FGF13: variants seen among roughly 807,000 people sequenced by gnomAD.
The protein encoded by FGF13 is fibroblast growth factor homologous factor 2.
Under a neutral mutation model 19.5 loss-of-function variants are expected in FGF13, and 2 were observed. The ratio of observed to expected loss-of-function variants is 0.10; its 90% confidence interval spans 0.04 to 0.32. The LOEUF is 0.32. Among genes scored for constraint, FGF13 ranks in the 10% least tolerant of loss-of-function variants. The pLI is 1.00. For synonymous variants in FGF13, 72 were observed against 76.9 expected (o/e 0.94, Z 0.33); for missense variants, 113 against 192.7 (o/e 0.59, Z 2.45).
In FGF13 at chrX:138,773,453, C is replaced by T. The variant is rs1402470471; in HGVS notation, c.218-64525G>A. On this transcript the variant is annotated intron_variant, in intron 3 of 6. Transcript: ENST00000436198. ...AAACATGTCATTATTCCCACTTGGA[C>T]GTTTTTACAACATAGTAAACACTCA... Among the ~76,000 whole-genome samples the T allele has an allele frequency of 2.7e-5, 3 of 112,143 alleles. No homozygotes were observed. The Admixed American group carries it at 2.8e-4, about 11-fold the overall frequency.
intron 1 of FGF13, among the ~76,000 whole-genome samples, chrX:139,158,032 G>T (rs1296886465): frequency 8.9e-6 from 1 of 111,767 alleles, no homozygotes; most frequent in Admixed American, 9.4e-5. Context: ...CTAGCCAATG[G>T]AAGCCCTGAA....
chrX:138,947,782 G>A (rs1396403254), intron 1 of FGF13, among the ~76,000 whole-genome samples: 1 of 111,975 alleles, frequency 8.9e-6, no homozygotes, highest in Non-Finnish European at 1.9e-5. Context: ...CTAAACCCCA[G>A]TACCTCGGAG....
intron 1 of FGF13, among the ~76,000 whole-genome samples, chrX:139,000,707 A>T (rs1205077085): frequency 1.8e-5 from 2 of 112,192 alleles, no homozygotes; most frequent in Non-Finnish European, 3.8e-5. Context: ...ATGGAACAAC[A>T]TTCCATGCTC....
At chrX:138,682,735 AC>A (rs1001905905) in intron 3 of FGF13, among the ~76,000 whole-genome samples, 77 of 110,756 alleles carry the variant, frequency 7.0e-4, no homozygotes, top group African/African-American at 2.2e-3. Context: ...AAATAATTTT[AC>A]CCCCCCGAAA....
intron 3 of FGF13, among the ~76,000 whole-genome samples, chrX:138,758,971 G>A (rs1011159425): frequency 3.6e-5 from 4 of 112,026 alleles, no homozygotes; most frequent in Non-Finnish European, 7.5e-5. Context: ...CAGGTTTGCC[G>A]GAACAGCAGG....
intron 3 of FGF13, among the ~76,000 whole-genome samples, chrX:138,819,639 G>A (rs921343178): frequency 2.7e-5 from 3 of 111,415 alleles, no homozygotes; most frequent in African/African-American, 6.5e-5. Context: ...TGGCCAAATG[G>A]TCTTTTGGTG....
intron 1 of FGF13, among the ~76,000 whole-genome samples, chrX:139,192,759 T>C (rs1396532108): frequency 9.0e-6 from 1 of 111,644 alleles, no homozygotes; most frequent in Non-Finnish European, 1.9e-5. Context: ...AAGCAACCCA[T>C]GTATGACTCC....
chrX:138,993,096 A>C (rs1239261873), intron 1 of FGF13, among the ~76,000 whole-genome samples: 1 of 111,860 alleles, frequency 8.9e-6, no homozygotes, highest in Non-Finnish European at 1.9e-5. Context: ...ACTGAAAAAT[A>C]TCTTACCAGT....
chrX:139,033,593 C>T (rs2092239093), intron 1 of FGF13, among the ~76,000 whole-genome samples: 1 of 111,922 alleles, frequency 8.9e-6, no homozygotes, highest in Non-Finnish European at 1.9e-5. Flanking sequence ...CAATATACTA[C>T]AGGGTCTTGC....
At chrX:138,958,857 C>T (rs1047567136) in intron 1 of FGF13, among the ~76,000 whole-genome samples, 98 of 111,426 alleles carry the variant, frequency 8.8e-4, no homozygotes, top group African/African-American at 3.1e-3. Flanking sequence ...TCTGTGGGAT[C>T]GGTGGTGATA....
chrX:138,689,465 C>G (rs532811822), intron 3 of FGF13, among the ~76,000 whole-genome samples: 2 of 111,502 alleles, frequency 1.8e-5, no homozygotes, highest in South Asian at 7.6e-4. Context: ...TGACAGGCAT[C>G]ACTAGAATGT....
intron 3 of FGF13, among the ~76,000 whole-genome samples, chrX:138,843,701 C>T (rs1422252317): frequency 9.0e-6 from 1 of 111,545 alleles, no homozygotes; most frequent in African/African-American, 3.3e-5. Flanking sequence ...GGGAAAAAAA[C>T]CTTCAAATAC....
chrX:138,941,102 C>T lies in FGF13; in HGVS notation c.-112-76452G>A, dbSNP rs767288234. Among the ~76,000 whole-genome samples, 10 of 111,368 alleles carry T rather than the reference C, an allele frequency of 9.0e-5. No homozygotes were observed. In the East Asian group the frequency reaches 1.7e-3, roughly 19 times the overall value. ...CCATCTATGACAAACCCACAGCCCA[C>T]ATCCCACTGAATGGGCAAAAGCTGG... is the stretch of plus-strand genomic sequence containing the variant. On this transcript the variant is annotated intron_variant, in intron 1 of 2. Transcript: ENST00000421460.
At chrX:138,870,745 G>C (rs1003831520) in intron 1 of FGF13, among the ~76,000 whole-genome samples, 2 of 112,603 alleles carry the variant, frequency 1.8e-5, no homozygotes, top group African/African-American at 6.5e-5. Context: ...GGGATCAAAA[G>C]TTTGAAGAGA....
intron 1 of FGF13, among the ~76,000 whole-genome samples, chrX:138,721,112 T>C (rs1446570780): frequency 8.9e-6 from 1 of 111,977 alleles, no homozygotes; most frequent in Non-Finnish European, 1.9e-5. Flanking sequence ...TTTAGAAAGA[T>C]GCCAATAAAA....
chrX:138,709,890 C>T (rs2090025524), intron 1 of FGF13, among the ~76,000 whole-genome samples: 1 of 112,083 alleles, frequency 8.9e-6, no homozygotes, highest in African/African-American at 3.2e-5. Flanking sequence ...GTTATGTCTG[C>T]TTTTCCATCC....
chrX:138,764,243 T>C (rs949424268), intron 3 of FGF13, among the ~76,000 whole-genome samples: 1 of 112,327 alleles, frequency 8.9e-6, no homozygotes, highest in Non-Finnish European at 1.9e-5. Context: ...CACGAGGGGC[T>C]GCTTTTCCAG....
chrX:139,071,319 G>A (rs996280), intron 1 of FGF13, among the ~76,000 whole-genome samples: 3,943 of 111,151 alleles, frequency 0.035, 168 homozygotes, highest in African/African-American at 0.12. Flanking sequence ...CTATTGGTTT[G>A]GAAGTTTTAT....
intron 1 of FGF13, among the ~76,000 whole-genome samples, chrX:139,022,020 G>A (rs1354002710): frequency 9.0e-6 from 1 of 111,657 alleles, no homozygotes; most frequent in Non-Finnish European, 1.9e-5. Flanking sequence ...AAATACCAGA[G>A]AGAATTCTTT....
Sources: gnomAD v4.1 joint callset for allele counts (sites outside exome capture counted in the v4.1 genomes callset) on GRCh38, gnomAD v4.1.1 for gene constraint, MANE v1.5 for transcripts, NCBI Gene and HGNC (gene_info 2026-07-23, HGNC 2026-07-21) for gene names.